The following ODAD4 variants were observed in gnomAD, a reference collection of about 807,000 sequenced individuals.
ODAD4 encodes outer dynein arm docking complex subunit 4.
In ODAD4, 49 loss-of-function variants were observed where a neutral mutation model predicts 51.8. The ratio of observed to expected loss-of-function variants is 0.95; its 90% confidence interval spans 0.75 to 1.20. The LOEUF (loss-of-function observed/expected upper bound fraction) is 1.20, where lower values mean the gene tolerates loss of function less well. Among genes scored for constraint, ODAD4 ranks in the 50% most tolerant of loss-of-function variants. The pLI is 0.00. For missense variants in ODAD4, 590 were observed against 586.5 expected (o/e 1.01, Z -0.06); for synonymous variants, 235 against 221.3 (o/e 1.06, Z -0.55).
chr17:41,951,115 T>TG (rs1259642963), intron 9 of ODAD4, among the ~76,000 whole-genome samples: 2 of 151,802 alleles, frequency 1.3e-5, no homozygotes, highest in Admixed American at 1.3e-4. Flanking sequence ...GATGGAGTCT[T>TG]GCTCTGTCAC....
In ODAD4 at chr17:41,955,300, C is replaced by T; in HGVS notation, c.1426C>T (p.Gln476Ter). 1 of 779,074 alleles carries T rather than the reference C, an allele frequency of 1.3e-6. No homozygotes were observed. The highest frequency in any genetic ancestry group is 2.4e-6 in the Non-Finnish European group (1 of 417,366). 48.3% of individuals were successfully genotyped at this position (779,074 alleles called of 1,614,324 possible). A position where few individuals can be genotyped will look rare whatever the true frequency, so the allele number is the denominator to read the frequency against. ...AAAGCTTGTGCATAACAACGAGGCG[C>T]AGCAGGCCATCATCAGTGTGAGCCT... ...RAKLVHNNEAQQAIISALDDA... is the reference protein window; with the variant it reads ...RAKLVHNNEA Residue 476 changes from glutamine to a stop codon, truncating the protein, a stop_gained, in exon 10 of 12, where the codon CAG becomes TAG. Transcript: ENST00000377540. LOFTEE classifies it high-confidence loss of function.
At chr17:41,948,305 T>A (rs1259864790) in intron 8 of ODAD4, among the ~76,000 whole-genome samples, 1 of 135,328 alleles carries the variant, frequency 7.4e-6, no homozygotes, top group Non-Finnish European at 1.5e-5. Context: ...TTCTTAGTAA[T>A]TTTTTTCTTT....
At chr17:41,935,556 A>T in intron 2 of ODAD4, 43 bp from the exon 3 acceptor site, 2 of 1,587,340 alleles carry the variant, frequency 1.3e-6, no homozygotes, top group Non-Finnish European at 1.7e-6. Context: ...GAGTCCTATA[A>T]GGCCTTATCT....
chr17:41,959,994 G>C (rs1007898039), intron 10 of ODAD4, among the ~76,000 whole-genome samples: 23 of 152,226 alleles, frequency 1.5e-4, no homozygotes, highest in African/African-American at 5.3e-4. Context: ...TGGCTTCCAG[G>C]CGAAGAGCAC....
chr17:41,949,659 C>CT (rs1293813712), intron 9 of ODAD4, among the ~76,000 whole-genome samples: 5 of 151,472 alleles, frequency 3.3e-5, no homozygotes, highest in African/African-American at 9.7e-5. Flanking sequence ...TGCCTTGGTA[C>CT]TTTTTTTTTG....
Position 41,945,331 on chromosome 17 carries a change from A to AC in ODAD4, c.1145+110dup, listed in dbSNP as rs1175978008. 6 of 564,718 alleles carry AC rather than the reference A, an allele frequency of 1.1e-5. No individual in the cohort carries two copies. The African/African-American group carries it at 1.3e-4, about 13-fold the overall frequency. The allele number at this position is 564,718 out of a possible 1,614,324, so 35.0% of individuals were successfully genotyped here. A position where few individuals can be genotyped will look rare whatever the true frequency, so the allele number is the denominator to read the frequency against. ...AATCCAGCCTGGGCAACATAGGAAGACTCCCTCTCTACAAAAAAAAAAAAA... is the reference window on the plus strand; with the variant it reads ...AATCCAGCCTGGGCAACATAGGAAGACCTCCCTCTCTACAAAAAAAAAAAAA... On this transcript the variant is annotated intron_variant, in intron 8 of 11. Coordinates refer to ENST00000377540, the MANE Select transcript of ODAD4 (RefSeq NM_031421.5).
At chr17:41,943,397 G>T (rs2050533948) in intron 7 of ODAD4, among the ~76,000 whole-genome samples, 1 of 152,178 alleles carries the variant, frequency 6.6e-6, no homozygotes, top group Non-Finnish European at 1.5e-5. Flanking sequence ...GAGCAACAAG[G>T]CTGTTTATTT....
intron 7 of ODAD4, 85 bp from the exon 8 acceptor site, chr17:41,945,051 T>G: frequency 9.3e-7 from 1 of 1,079,030 alleles, no homozygotes; most frequent in Non-Finnish European, 1.4e-6. Context: ...AGGCCAGGGC[T>G]CCTGTCTTTG....
intron 11 of ODAD4, among the ~76,000 whole-genome samples, 189 bp downstream of exon 11, chr17:41,961,655 C>T (rs1386073372): frequency 1.3e-5 from 2 of 152,226 alleles, no homozygotes; most frequent in Non-Finnish European, 2.9e-5. Flanking sequence ...GGATTCAGCC[C>T]ACCATGGGCT....
In ODAD4 at chr17:41,936,523, A is replaced by C; in HGVS notation, c.448A>C (p.Lys150Gln). ...CAAAGGGGACCTCTCCTTCTTAAGC[A>C]AGCAGGCTGAGGTAAGGGCCCTGGT... ...ENKGDLSFLS[K>Q]QAENIKAQQK... The change falls in exon 4 of 12, where the codon AAG (lysine) becomes CAG (glutamine). Residue 150 changes from lysine to glutamine, a missense_variant. Coordinates refer to ENST00000377540, the MANE Select transcript of ODAD4 (RefSeq NM_031421.5). The C allele has an allele frequency of 6.2e-7, 1 of 1,613,064 alleles. No individual in the cohort carries two copies. Among genetic ancestry groups the C allele is most frequent in the Non-Finnish European group, 8.5e-7 (1 of 1,179,500 alleles).
At chr17:41,951,883 CAAAAAAAAAAAA>C (rs55769009) in intron 9 of ODAD4, among the ~76,000 whole-genome samples, 6,295 of 35,708 alleles carry the variant, frequency 0.18, 201 homozygotes, top group East Asian at 0.35. Context: ...GACTCTGTCG[CAAAAAAAAAAAA>C]AAAAAAAAAA....
chr17:41,947,249 G>A (rs1210522533), intron 8 of ODAD4, among the ~76,000 whole-genome samples: 3 of 150,490 alleles, frequency 2.0e-5, no homozygotes, highest in African/African-American at 4.9e-5. Flanking sequence ...AGAGGCGAGC[G>A]GATCACAAGG....
intron 9 of ODAD4, among the ~76,000 whole-genome samples, chr17:41,952,905 AT>A (rs1165616284): frequency 2.7e-5 from 4 of 148,374 alleles, no homozygotes; most frequent in South Asian, 2.1e-4. Flanking sequence ...TGCCTGGCAA[AT>A]TTTTTTTTTG....
chr17:41,959,865 G>C (rs111755063), intron 10 of ODAD4, among the ~76,000 whole-genome samples: 1 of 152,198 alleles, frequency 6.6e-6, no homozygotes, highest in African/African-American at 2.4e-5. Flanking sequence ...CTCTCATGGC[G>C]GAGAAATCAT....
Position 41,964,869 on chromosome 17 carries a change from C to T in ODAD4, c.1529-124C>T, listed in dbSNP as rs188184469. On this transcript the variant is annotated intron_variant, in intron 11 of 11. Coordinates refer to ENST00000377540, the MANE Select transcript of ODAD4 (RefSeq NM_031421.5). Reference sequence around the variant, plus strand: ...TGTCGCCCAGGCTGGTCTGGAACTCCTGGCCTCAAGGGATCTGCCTGCCTC... The same window carrying T: ...TGTCGCCCAGGCTGGTCTGGAACTCTTGGCCTCAAGGGATCTGCCTGCCTC... 14 of 592,850 alleles carry T rather than the reference C, an allele frequency of 2.4e-5. No individual in the cohort carries two copies. The East Asian group carries it at 3.4e-4, about 14-fold the overall frequency. The allele number at this position is 592,850 out of a possible 1,614,324, so 36.7% of individuals were successfully genotyped here.
At chr17:41,959,203 C>T (rs1306417444) in intron 10 of ODAD4, among the ~76,000 whole-genome samples, 12 of 152,140 alleles carry the variant, frequency 7.9e-5, no homozygotes, top group Non-Finnish European at 8.8e-5. Flanking sequence ...TCCAGGTGGA[C>T]GCACAAGCTT....
At chr17:41,938,811 G>A in intron 6 of ODAD4, 30 bp downstream of exon 6, 1 of 1,604,086 alleles carries the variant, frequency 6.2e-7, no homozygotes, top group East Asian at 2.2e-5. Flanking sequence ...GGTGGGGCAG[G>A]TGCCTCCAGT....
At chr17:41,960,060 G>A (rs970826543) in intron 10 of ODAD4, among the ~76,000 whole-genome samples, 2 of 152,324 alleles carry the variant, frequency 1.3e-5, no homozygotes, top group Non-Finnish European at 2.9e-5. Flanking sequence ...CCATGTGATC[G>A]CCCTGCAGAC....
chr17:41,936,683 G>T, intron 4 of ODAD4, 79 bp from the exon 5 acceptor site: 1 of 1,569,758 alleles, frequency 6.4e-7, no homozygotes, highest in Non-Finnish European at 8.7e-7. Context: ...AGGAATCTGG[G>T]ATCACAGACC....
Sources: allele counts gnomAD v4.1 joint callset (sites outside exome capture counted in the v4.1 genomes callset), GRCh38; gene constraint gnomAD v4.1.1; transcripts MANE v1.5; gene names NCBI Gene and HGNC (gene_info 2026-07-23, HGNC 2026-07-21).